The following DRC7 variants were observed in gnomAD, a reference collection of about 807,000 sequenced individuals.
DRC7 encodes coiled-coil domain containing 135.
In DRC7, 80 loss-of-function variants were observed where a neutral mutation model predicts 104.4. The ratio of observed to expected loss-of-function variants is 0.77; its 90% CI spans 0.64 to 0.92. The LOEUF (loss-of-function observed/expected upper bound fraction) is 0.92, where lower values mean the gene tolerates loss of function less well. Ranked by LOEUF, DRC7 falls within the 40% of genes least tolerant of loss-of-function variation. The pLI, the probability that DRC7 is intolerant of heterozygous loss-of-function variation, is 0.00. For missense variants in DRC7, 1,034 were observed against 1,141.1 expected, an observed-to-expected ratio of 0.91 and a Z score of 1.35; for synonymous variants, 405 against 447.3, an observed-to-expected ratio of 0.91 and a Z score of 1.19.
At chr16:57,705,088 G>A in intron 7 of DRC7, 54 bp downstream of exon 7, 1 of 1,572,748 alleles carries the variant, frequency 6.4e-7, no homozygotes, top group African/African-American at 1.4e-5. Context: ...AGGACTGCTA[G>A]GGATGGGAAA....
chr16:57,714,647 C>CACAT (rs1448476536), intron 8 of DRC7: 1 of 189,352 alleles, frequency 5.3e-6, no homozygotes, highest in East Asian at 1.7e-4. Flanking sequence ...CACACACACA[C>CACAT]ACATACATAT....
At chr16:57,705,634 T>C (rs1352416621) in intron 7 of DRC7, among the ~76,000 whole-genome samples, 1 of 132,850 alleles carries the variant, frequency 7.5e-6, no homozygotes, top group Non-Finnish European at 1.6e-5. Context: ...CTTCCATCCA[T>C]CCATCCTCCC....
In DRC7 at chr16:57,707,462, A is replaced by G. The variant is rs781725822; in HGVS notation, c.861A>G (p.Glu287=). The G allele has an allele frequency of 4.3e-6, 7 of 1,610,854 alleles. No individual in the cohort carries two copies. In the Admixed American group the frequency reaches 1.2e-4, roughly 27 times the overall value. Residue 287 remains glutamate, a splice_region_variant and synonymous_variant, in exon 8 of 19, where the codon GAA becomes GAG. Coordinates refer to ENST00000360716, the MANE Select transcript of DRC7 (RefSeq NM_001289162.2). The stretch of plus-strand genomic sequence containing the variant: ...AGTCACCCACCTTTCCTTGGCAGGA[A>G]GCGGAGAAGGCAAAGCCGGATGCCC... ...RLREEEERLM[E]AEKAKPDALH... is the part of the protein sequence containing the mutation.
Position 57,731,393 on chromosome 16 carries a change from A to G in DRC7, c.*135A>G. 1.5e-6 allele frequency: 1 copy of G among 645,884 alleles called. No homozygotes were observed. Among genetic ancestry groups the G allele is most frequent in the Non-Finnish European group, 2.7e-6 (1 of 368,278 alleles). The allele number at this position is 645,884 out of a possible 1,614,324, so 40.0% of individuals were successfully genotyped here. A position where few individuals can be genotyped will look rare whatever the true frequency, so the allele number is the denominator to read the frequency against. ...GCCTCACTGCCAGCCCACCTCCCCT[A>G]CAGCCCTGTTTGTTCCTGCTTCTCA... On this transcript the variant is annotated 3_prime_UTR_variant, in exon 19 of 19. Transcript: ENST00000360716.
At chr16:57,694,947 C>T (rs1207075811) in intron 1 of DRC7, 95 bp downstream of exon 1, 4 of 152,062 alleles carry the variant, frequency 2.6e-5, no homozygotes, top group Non-Finnish European at 5.9e-5. Flanking sequence ...GCCTCCAGCC[C>T]TGATCTTTCT....
Position 57,728,446 on chromosome 16 carries a change from G to T in DRC7, c.2253G>T (p.Leu751=), listed in dbSNP as rs763835611. ...LRQVETQLDY[L]APFLAQLPPG... Reference sequence around the variant, plus strand: ...AGGTGGAGACCCAGCTGGACTACCTGGCCCCATTCCTGGCCCAGCTCCCGC... The same window carrying T: ...AGGTGGAGACCCAGCTGGACTACCTTGCCCCATTCCTGGCCCAGCTCCCGC... The change falls in exon 17 of 19, where the codon CTG becomes CTT. Residue 751 remains leucine, a synonymous_variant. Transcript: ENST00000360716. 1 of 1,611,984 alleles carries T rather than the reference G, an allele frequency of 6.2e-7. No individual in the cohort carries two copies.
intron 8 of DRC7, among the ~76,000 whole-genome samples, chr16:57,708,408 A>T (rs1173808938): frequency 1.3e-5 from 2 of 152,170 alleles, no homozygotes; most frequent in East Asian, 3.8e-4. Flanking sequence ...CATTATGTTT[A>T]TGAAATTCAT....
chr16:57,699,117 G>A, intron 4 of DRC7, 93 bp downstream of exon 4: 20 of 1,445,534 alleles, frequency 1.4e-5, no homozygotes, highest in Non-Finnish European at 1.7e-5. Context: ...AGGTCACTGG[G>A]CCAAATCACG....
chr16:57,707,779 C>T, intron 8 of DRC7, 101 bp downstream of exon 8: 1 of 1,068,998 alleles, frequency 9.4e-7, no homozygotes, highest in Admixed American at 2.0e-5. Flanking sequence ...AGCGAGACAC[C>T]AGGCCACGAG....
intron 9 of DRC7, among the ~76,000 whole-genome samples, chr16:57,719,333 A>C (rs1181958247): frequency 6.6e-6 from 1 of 152,222 alleles, no homozygotes; most frequent in African/African-American, 2.4e-5. Flanking sequence ...AATGACAGAA[A>C]TTAATTTTCT....
intron 6 of DRC7, among the ~76,000 whole-genome samples, chr16:57,703,200 CAAAA>C (rs71152293): frequency 4.8e-5 from 3 of 62,920 alleles, no homozygotes; most frequent in Admixed American, 1.9e-4. Context: ...TTTTTAATAG[CAAAA>C]AAAAAAAAAA....
At chr16:57,710,749 A>G (rs1271947694) in intron 8 of DRC7, among the ~76,000 whole-genome samples, 3 of 152,156 alleles carry the variant, frequency 2.0e-5, no homozygotes, top group African/African-American at 7.2e-5. Flanking sequence ...TGAGATTATT[A>G]TGATTTTTCT....
Position 57,730,973 on chromosome 16 carries a change from A to T in DRC7, c.2434A>T (p.Asn812Tyr). The T allele has an allele frequency of 1.9e-6, 3 of 1,613,506 alleles. No homozygotes were observed. Among genetic ancestry groups the T allele is most frequent in the Non-Finnish European group, 2.5e-6 (3 of 1,179,940 alleles). The change falls in exon 18 of 19, where the codon AAC (asparagine) becomes TAC (tyrosine). Residue 812 changes from asparagine (N) to tyrosine (Y), a missense_variant. Transcript: ENST00000360716. ...AAAGAAGCAGCAGTGGTACCAGGAG[A>T]ACCAGGTGACGCTGACACCCGAGGA... ...LQKKQQWYQE[N>Y]QVTLTPEDED... is the part of the protein sequence containing the mutation.
At chr16:57,719,388 G>T (rs2048879214) in intron 9 of DRC7, among the ~76,000 whole-genome samples, 1 of 152,210 alleles carries the variant, frequency 6.6e-6, no homozygotes, top group South Asian at 2.1e-4. Context: ...TGTGGACAGG[G>T]TTGGTTCCTT....
Position 57,698,053 on chromosome 16 carries a change from T to C in DRC7, c.104T>C (p.Val35Ala). 1.2e-6 allele frequency: 2 copies of C among 1,613,890 alleles called. No homozygotes were observed. Among genetic ancestry groups the C allele is most frequent in the Admixed American group, 1.7e-5 (1 of 59,990 alleles). The stretch of plus-strand genomic sequence containing the variant: ...AGGATGGAGAAAATGATGAGGCCAG[T>C]TGAGGTGCGGAAGGAGGAAATCACC... ...WARMEKMMRPVEVRKEEITLK... is the reference protein window; with the variant it reads ...WARMEKMMRPAEVRKEEITLK... Residue 35 changes from valine (V) to alanine (A), a missense_variant, in exon 3 of 19, where the codon GTT becomes GCT. Coordinates refer to ENST00000360716, the MANE Select transcript of DRC7 (RefSeq NM_001289162.2).
rs956255353 is a variant in DRC7 at position 57,699,148 on chromosome 16, G to A, written c.378+124G>A. On this transcript the variant is annotated intron_variant, in intron 4 of 18. Transcript: ENST00000360716. ...TCACGGACCTCCTGTGGGCCAGAGC[G>A]CTTCTAGTCTGGGGGCAACATAAAG... 26 of 1,171,646 alleles carry A rather than the reference G, an allele frequency of 2.2e-5. 1 individual carries two copies. The highest frequency in any genetic ancestry group is 9.5e-5 in the East Asian group (4 of 41,988). 72.6% of individuals were successfully genotyped at this position (1,171,646 alleles called of 1,614,324 possible).
chr16:57,729,225 G>C (rs111168376), intron 17 of DRC7, among the ~76,000 whole-genome samples: 1 of 146,442 alleles, frequency 6.8e-6, no homozygotes, highest in Admixed American at 6.8e-5. Context: ...TGGATGAGTG[G>C]GTGGGTGGGT....
At chr16:57,721,566 A>C in intron 9 of DRC7, 101 bp from the exon 10 acceptor site, 1 of 857,242 alleles carries the variant, frequency 1.2e-6, no homozygotes, top group Non-Finnish European at 1.9e-6. Flanking sequence ...CCAACGGACC[A>C]CCTTGGCTTG....
rs773653157 is a variant in DRC7 at position 57,731,214 on chromosome 16, T to C, written c.2581T>C (p.Tyr861His). Residue 861 changes from tyrosine to histidine, a missense_variant, in exon 19 of 19, where the codon TAC becomes CAC. Transcript: ENST00000360716. ...LKYLALEEKL[Y>H]KDPRLGELQK... Reference sequence around the variant, plus strand: ...GTACCTGGCTCTGGAGGAAAAGCTCTACAAGGACCCACGCCTGGGGGAGCT... The same window carrying C: ...GTACCTGGCTCTGGAGGAAAAGCTCCACAAGGACCCACGCCTGGGGGAGCT... 2.4e-5 allele frequency: 38 copies of C among 1,613,648 alleles called. No individual in the cohort carries two copies. Among genetic ancestry groups the C allele is most frequent in the Non-Finnish European group, 3.1e-5 (37 of 1,179,918 alleles).
Sources: gnomAD v4.1 joint callset for allele counts (sites outside exome capture counted in the v4.1 genomes callset) on GRCh38, gnomAD v4.1.1 for gene constraint, MANE v1.5 for transcripts, NCBI Gene and HGNC (gene_info 2026-07-23, HGNC 2026-07-21) for gene names.